Variants in MDN1 observed in about 807,000 individuals in gnomAD.
The protein encoded by MDN1 is midasin AAA ATPase 1, also known as midasin.
In MDN1, 266 loss-of-function variants were observed where a neutral mutation model predicts 669.2. That is an observed-to-expected ratio of 0.40 (90% CI 0.36 to 0.44). The LOEUF is 0.44. Among genes scored for constraint, MDN1 ranks in the 20% least tolerant of loss-of-function variants. MDN1 has a pLI of 1.00. For missense variants in MDN1, 5,940 were observed against 6,754.0 expected (o/e 0.88, Z 4.22); for synonymous variants, 2,385 against 2,457.1 (o/e 0.97, Z 0.87).
At chr6:89,707,175 C>T (rs1417579416) in intron 52 of MDN1, among the ~76,000 whole-genome samples, 186 bp downstream of exon 52, 1 of 152,162 alleles carries the variant, frequency 6.6e-6, no homozygotes, top group Non-Finnish European at 1.5e-5. Flanking sequence ...AGCTAAGCAC[C>T]TGGCACAAAG....
chr6:89,758,879 A>T lies in MDN1; in HGVS notation c.2542T>A (p.Cys848Ser). 3 of 1,614,180 alleles carry T rather than the reference A, an allele frequency of 1.9e-6. No homozygotes were observed. The highest frequency in any genetic ancestry group is 2.5e-6 in the Non-Finnish European group (3 of 1,180,008). ...INLAAPEILECLSGLLEGSSG... is the reference protein window; with the variant it reads ...INLAAPEILESLSGLLEGSSG... ...GATCCTTCAAGCAAACCACTCAGAC[A>T]TTCTAGTATTTCTGGAGCAGCCAAG... Residue 848 changes from cysteine to serine, a missense_variant, in exon 18 of 102, where the codon TGT (cysteine) becomes AGT (serine). Cys to Ser is a moderately radical substitution (Grantham distance 112). This residue lies in a region of MDN1 where 1,203 missense variants were observed against 1,268.9 expected (regional missense o/e 0.95). Transcript: ENST00000369393.
intron 46 of MDN1, among the ~76,000 whole-genome samples, chr6:89,714,038 C>CA (rs568289123): frequency 2.0e-4 from 18 of 91,926 alleles, no homozygotes; most frequent in South Asian, 3.4e-4. Flanking sequence ...GACTCTGTCT[C>CA]AAAAAAAAAG....
intron 85 of MDN1, among the ~76,000 whole-genome samples, chr6:89,663,590 C>T (rs1437077066): frequency 2.0e-5 from 3 of 152,074 alleles, no homozygotes; most frequent in African/African-American, 7.2e-5. Context: ...TTTAAAAAAT[C>T]AAATTCTCAA....
rs1814400138 is a variant in MDN1 at position 89,716,731 on chromosome 6, G to C, written c.6662C>G (p.Thr2221Arg). The C allele has an allele frequency of 1.2e-6, 2 of 1,614,068 alleles. No homozygotes were observed. The highest frequency in any genetic ancestry group is 1.6e-4 in the Middle Eastern group (1 of 6,062). ...TQLASGHSHGTFEWVDSMLVQ... is the reference protein window; with the variant it reads ...TQLASGHSHGRFEWVDSMLVQ... ...CAACATGCTGTCAACCCATTCAAAT[G>C]TGCCATGGCTATGGCCACTGGCCAA... Residue 2221 changes from threonine (T) to arginine (R), a missense_variant, in exon 44 of 102, where the codon ACA becomes AGA. This residue lies in a region of MDN1 where 2,292 missense variants were observed against 2,638.3 expected (regional missense o/e 0.87). Coordinates refer to ENST00000369393, the MANE Select transcript of MDN1 (RefSeq NM_014611.3).
intron 35 of MDN1, 67 bp downstream of exon 35, chr6:89,730,659 C>T: frequency 7.6e-7 from 1 of 1,313,790 alleles, no homozygotes; most frequent in Admixed American, 2.1e-5. Context: ...AAAACTAAGT[C>T]ACAATAAAAG....
intron 23 of MDN1, 115 bp downstream of exon 23, chr6:89,751,316 C>A: frequency 7.8e-7 from 1 of 1,289,850 alleles, no homozygotes; most frequent in East Asian, 2.4e-5. Flanking sequence ...AGTAATTGTT[C>A]AGTTGGCCAA....
In MDN1 at chr6:89,747,482, T is replaced by G; in HGVS notation, c.3763-12A>C. 1 of 1,608,396 alleles carries G rather than the reference T, an allele frequency of 6.2e-7. No individual in the cohort carries two copies. The highest frequency in any genetic ancestry group is 8.5e-7 in the Non-Finnish European group (1 of 1,178,484). On this transcript the variant is annotated splice_polypyrimidine_tract_variant and intron_variant, in intron 26 of 101. Transcript: ENST00000369393. ...CTTCTGCGATAGGACTGTTGAAGTA[T>G]CAAAACAAATGAAAAGGGGCATCAG... is the stretch of plus-strand genomic sequence containing the variant.
chr6:89,771,476 T>A, intron 15 of MDN1, 85 bp downstream of exon 15: 1 of 1,189,404 alleles, frequency 8.4e-7, no homozygotes. Context: ...TCCTAGAACC[T>A]GTGGTTGTTA....
intron 59 of MDN1, among the ~76,000 whole-genome samples, chr6:89,698,458 A>G (rs1288798648): frequency 3.3e-5 from 5 of 152,200 alleles, no homozygotes; most frequent in Non-Finnish European, 7.3e-5. Flanking sequence ...TGACATACAC[A>G]TTTCTGTTAC....
chr6:89,648,291 T>G lies in MDN1; in HGVS notation c.16245A>C (p.Leu5415=). Residue 5415 remains leucine, a synonymous_variant, in exon 98 of 102, where the codon CTA becomes CTC. Transcript: ENST00000369393. ...CAATCTGACCCACTTCCAGGAGGGT[T>G]AGAGCATTTCCAATCACAGCCAAAG... ...FESLAVIGNA[L]TLLEVGQIAV... is the part of the protein sequence containing the mutation. 1 of 1,614,168 alleles carries G rather than the reference T, an allele frequency of 6.2e-7. No individual in the cohort carries two copies. Among genetic ancestry groups the G allele is most frequent in the South Asian group, 1.1e-5 (1 of 91,082 alleles).
Position 89,670,808 on chromosome 6 carries a change from A to C in MDN1, c.13956+111T>G. ...ATAATCCACAGGGAGAGCAAATCAC[A>C]TCCTGCTATTTGTGGTGGTCCAAAA... On this transcript the variant is annotated intron_variant, in intron 83 of 101. Coordinates refer to ENST00000369393, the MANE Select transcript of MDN1 (RefSeq NM_014611.3). 3 of 1,227,662 alleles carry C rather than the reference A, an allele frequency of 2.4e-6. No individual in the cohort carries two copies. The South Asian group carries it at 4.8e-5, about 20-fold the overall frequency. The allele number at this position is 1,227,662 out of a possible 1,614,324, so 76.0% of individuals were successfully genotyped here. A position where few individuals can be genotyped will look rare whatever the true frequency, so the allele number is the denominator to read the frequency against.
In MDN1 at chr6:89,662,967, TCTGAAAGGGAAGGCA is replaced by T; in HGVS notation, c.14237-15_14237-1del. The stretch of plus-strand genomic sequence containing the variant: ...ACTATCTGATTTCTCATCATCCTCT[TCTGAAAGGGAAGGCA>T]CTGAGCTTAGGCAGATCTCCAAACT... On this transcript the variant is annotated splice_acceptor_variant and splice_polypyrimidine_tract_variant and intron_variant, in intron 85 of 101. Coordinates refer to ENST00000369393, the MANE Select transcript of MDN1 (RefSeq NM_014611.3). LOFTEE classifies it high-confidence loss of function. 1 of 1,614,062 alleles carries T rather than the reference TCTGAAAGGGAAGGCA, an allele frequency of 6.2e-7. No homozygotes were observed.
chr6:89,792,942 C>T lies in MDN1; in HGVS notation c.855+820G>A, dbSNP rs1255684444. ...GCTGAGGCAGAAGAATCACTTGAAC[C>T]TGGGAGGGGGGAGGTTGCAGTGAGC... On this transcript the variant is annotated intron_variant, in intron 5 of 101. Transcript: ENST00000369393. Among the ~76,000 whole-genome samples, 5 of 152,236 alleles carry T rather than the reference C, an allele frequency of 3.3e-5. No homozygotes were observed. In the East Asian group the frequency reaches 9.7e-4, roughly 29 times the overall value.
chr6:89,714,069 T>G (rs1814155559), intron 46 of MDN1, among the ~76,000 whole-genome samples: 1 of 151,236 alleles, frequency 6.6e-6, no homozygotes, highest in Non-Finnish European at 1.5e-5. Context: ...AAAGATTAAA[T>G]AAACAATCTG....
chr6:89,677,016 CAAAAAAAAAA>C (rs577064668), intron 76 of MDN1, among the ~76,000 whole-genome samples: 1 of 80,272 alleles, frequency 1.2e-5, no homozygotes, highest in African/African-American at 5.4e-5. Context: ...AATCAAAAGG[CAAAAAAAAAA>C]AAAAAAAAGG....
intron 1 of MDN1, 31 bp from the exon 2 acceptor site, chr6:89,803,585 T>A (rs778254959): frequency 1.4e-5 from 5 of 353,806 alleles, no homozygotes; most frequent in Middle Eastern, 1.2e-3. Flanking sequence ...CATCTTTCAC[T>A]TTTTTTTTTT....
chr6:89,662,300 G>C (rs1267276156), intron 86 of MDN1, 61 bp from the exon 87 acceptor site: 7 of 1,539,906 alleles, frequency 4.5e-6, no homozygotes, highest in Non-Finnish European at 6.1e-6. Context: ...GCTTCTGCAT[G>C]GGTTGACTTT....
At chr6:89,781,325 T>C (rs1338885897) in intron 10 of MDN1, 74 bp downstream of exon 10, 1 of 1,472,922 alleles carries the variant, frequency 6.8e-7, no homozygotes, top group Non-Finnish European at 9.4e-7. Context: ...CACTCCAGCC[T>C]GGGTAACAGA....
rs556902647 is a variant in MDN1, at chr6:89,789,880, A to C, written c.1130T>G (p.Val377Gly). 6.2e-7 allele frequency: 1 copy of C among 1,613,858 alleles called. No homozygotes were observed. The highest frequency in any genetic ancestry group is 1.3e-5 in the African/African-American group (1 of 74,904). ...AGGCTGCCACACAAACTCTCCAGGA[A>C]CATCTGTGCAGCGATACATCCCCAA... ...MLLGMYRCTDVPGEFVWQPGT... is the reference protein window; with the variant it reads ...MLLGMYRCTDGPGEFVWQPGT... Residue 377 changes from valine (V) to glycine (G), a missense_variant, in exon 7 of 102, where the codon GTT (valine) becomes GGT (glycine). By Grantham distance (109) the Val-to-Gly change is moderately radical. Around this residue, in one of 5 missense-constraint regions of MDN1, gnomAD observed 1,203 missense variants for 1,268.9 expected, o/e 0.95. Transcript: ENST00000369393.
Sources: allele counts gnomAD v4.1 joint callset (sites outside exome capture counted in the v4.1 genomes callset), GRCh38; gene constraint gnomAD v4.1.1; regional missense constraint gnomAD v4.1.1; transcripts MANE v1.5; gene names NCBI Gene and HGNC (gene_info 2026-07-23, HGNC 2026-07-21).